Variants in NRK observed in about 807,000 individuals in gnomAD.
NRK encodes nik-related protein kinase.
NRK carries 67 observed loss-of-function variants against 125.2 expected under a neutral mutation model. The observed-to-expected ratio is 0.54, with a 90% CI of 0.44 to 0.66. NRK has a LOEUF of 0.66. Among genes scored for constraint, NRK ranks in the 30% least tolerant of loss-of-function variants. NRK has a pLI of 0.00. For missense variants in NRK, 1,224 were observed against 1,192.9 expected (o/e 1.03, Z -0.38); for synonymous variants, 458 against 429.0 (o/e 1.07, Z -0.84).
intron 2 of NRK, among the ~76,000 whole-genome samples, chrX:105,870,115 T>C (rs1214311171): frequency 9.0e-6 from 1 of 111,730 alleles, no homozygotes; most frequent in Non-Finnish European, 1.9e-5. Context: ...CCTGAATATG[T>C]AAGTCATTCC....
At chrX:105,894,406 C>T (rs2040054546) in intron 6 of NRK, among the ~76,000 whole-genome samples, 1 of 111,604 alleles carries the variant, frequency 9.0e-6, no homozygotes, top group South Asian at 3.7e-4. Flanking sequence ...TCTTTATTTT[C>T]CACACCCAGT....
intron 8 of NRK, among the ~76,000 whole-genome samples, chrX:105,900,087 G>A (rs751376664): frequency 1.8e-5 from 2 of 109,264 alleles, no homozygotes; most frequent in Admixed American, 9.9e-5. Flanking sequence ...ACAGTTGGTA[G>A]TGAAGAGAAT....
At chrX:105,948,095 C>A in intron 26 of NRK, among the ~76,000 whole-genome samples, 1 of 110,351 alleles carries the variant, frequency 9.1e-6, no homozygotes, top group Non-Finnish European at 1.9e-5. Flanking sequence ...TTAAATGTTG[C>A]GTCAGATAGC....
intron 27 of NRK, among the ~76,000 whole-genome samples, chrX:105,952,201 T>G (rs2147803060): frequency 8.9e-6 from 1 of 112,435 alleles, no homozygotes; most frequent in African/African-American, 3.2e-5. Flanking sequence ...TCCTAGACTA[T>G]TTTAATTTGA....
chrX:105,888,539 T>G (rs779481152), intron 5 of NRK, 120 bp downstream of exon 5: 6 of 588,811 alleles, frequency 1.0e-5, no homozygotes, highest in Non-Finnish European at 1.5e-5. Flanking sequence ...ACTGTTAAGG[T>G]AGTATGGTGT....
At chrX:105,889,373 G>A (rs1357296160) in intron 5 of NRK, among the ~76,000 whole-genome samples, 1 of 111,665 alleles carries the variant, frequency 9.0e-6, no homozygotes, top group Non-Finnish European at 1.9e-5. Flanking sequence ...CTGCTTTCAC[G>A]GGTTGACATT....
chrX:105,947,324 T>C (rs2040827543), intron 26 of NRK, among the ~76,000 whole-genome samples: 1 of 74,812 alleles, frequency 1.3e-5, no homozygotes, highest in Non-Finnish European at 2.3e-5. Context: ...GCGCCTGTAG[T>C]CCCAGCTCCT....
chrX:105,917,713 C>G, intron 16 of NRK, 41 bp downstream of exon 16: 1 of 653,112 alleles, frequency 1.5e-6, no homozygotes, highest in East Asian at 3.7e-5. Flanking sequence ...AAACACAGAG[C>G]TACTGTTTAA....
At chrX:105,935,068 A>G in intron 20 of NRK, 102 bp from the exon 21 acceptor site, 1 of 618,285 alleles carries the variant, frequency 1.6e-6, no homozygotes, top group East Asian at 3.3e-5. Flanking sequence ...ATTTTTCTAT[A>G]ACTCCATCAG....
chrX:105,899,428 T>C (rs1284374825), intron 8 of NRK, among the ~76,000 whole-genome samples: 1 of 111,755 alleles, frequency 8.9e-6, no homozygotes, highest in Admixed American at 9.5e-5. Context: ...TGATTAAGAT[T>C]CATCTCTTTT....
chrX:105,909,586 C>T lies in NRK; in HGVS notation c.1945C>T (p.Arg649Trp), dbSNP rs761519714. The T allele has an allele frequency of 2.5e-6, 3 of 1,205,245 alleles. No individual in the cohort carries two copies. The highest frequency in any genetic ancestry group is 3.4e-6 in the Non-Finnish European group (3 of 891,490). The change falls in exon 13 of 29, where the codon CGG becomes TGG. Residue 649 changes from arginine (R) to tryptophan (W), a missense_variant. Physicochemically the swap from Arg to Trp is moderately radical, Grantham distance 101 (BLOSUM62 -3). Transcript: ENST00000243300. ...LIEGLSRDLLRAPNSNNSKPL... is the reference protein window; with the variant it reads ...LIEGLSRDLLWAPNSNNSKPL... ...AGAGGGACTATCAAGAGACTTGCTT[C>T]GGGCACCAAACTCAAATAACTCAAA... is the stretch of plus-strand genomic sequence containing the variant.
At chrX:105,866,355 G>A (rs1355416087) in intron 2 of NRK, among the ~76,000 whole-genome samples, 1 of 110,701 alleles carries the variant, frequency 9.0e-6, no homozygotes, top group Non-Finnish European at 1.9e-5. Context: ...AGCAAGCTTG[G>A]ACCCATGGAA....
At chrX:105,878,631 T>C (rs2039845642) in intron 2 of NRK, among the ~76,000 whole-genome samples, 1 of 105,808 alleles carries the variant, frequency 9.5e-6, no homozygotes, top group African/African-American at 3.4e-5. Flanking sequence ...GACTTTAGGT[T>C]AAACAGACAG....
chrX:105,958,421 C>T lies in NRK; in HGVS notation c.*2821C>T, dbSNP rs1241722309. ...AGATTCATTTAGTTCAAACAGTATCCGTAAACTAGGAATAATGCCACATGC... is the reference window on the plus strand; with the variant it reads ...AGATTCATTTAGTTCAAACAGTATCTGTAAACTAGGAATAATGCCACATGC... On this transcript the variant is annotated 3_prime_UTR_variant, in exon 29 of 29. Transcript: ENST00000243300. 6.2e-5 allele frequency: 7 copies of T among 112,075 alleles called. No homozygotes were observed. The East Asian group carries it at 2.0e-3, about 32-fold the overall frequency. 9.2% of individuals were successfully genotyped at this position (112,075 alleles called of 1,213,427 possible). A position where few individuals can be genotyped will look rare whatever the true frequency, so the allele number is the denominator to read the frequency against.
intron 19 of NRK, among the ~76,000 whole-genome samples, chrX:105,931,962 AT>A (rs759787419): frequency 9.0e-6 from 1 of 110,744 alleles, no homozygotes; most frequent in Non-Finnish European, 1.9e-5. Flanking sequence ...TTCAGAACTT[AT>A]TTTTTTTACC....
At chrX:105,943,426 A>G (rs1018354092) in intron 23 of NRK, among the ~76,000 whole-genome samples, 2 of 111,772 alleles carry the variant, frequency 1.8e-5, no homozygotes, top group Non-Finnish European at 3.8e-5. Context: ...GATTACTGTA[A>G]CTTGCAGTAA....
chrX:105,928,141 A>T (rs892496538), intron 19 of NRK, among the ~76,000 whole-genome samples: 4 of 110,712 alleles, frequency 3.6e-5, no homozygotes, highest in African/African-American at 6.5e-5. Context: ...TTGTTGGGAG[A>T]CTTTTTATTG....
At chrX:105,836,477 T>C (rs957273890) in intron 2 of NRK, among the ~76,000 whole-genome samples, 2 of 112,055 alleles carry the variant, frequency 1.8e-5, no homozygotes, top group African/African-American at 6.5e-5. Context: ...CTGTCACTCA[T>C]TGACTTTACC....
intron 14 of NRK, among the ~76,000 whole-genome samples, chrX:105,914,518 A>G (rs766718985): frequency 1.8e-5 from 2 of 110,668 alleles, no homozygotes; most frequent in East Asian, 2.9e-4. Flanking sequence ...AAATACAGCC[A>G]ATTTATATTA....
Sources: allele counts gnomAD v4.1 joint callset (sites outside exome capture counted in the v4.1 genomes callset), GRCh38; gene constraint gnomAD v4.1.1; transcripts MANE v1.5; gene names NCBI Gene and HGNC (gene_info 2026-07-23, HGNC 2026-07-21).